The following CCDC73 variants were observed in gnomAD, a reference collection of about 807,000 sequenced individuals.
The protein encoded by CCDC73 is coiled-coil domain-containing protein 73.
Under a neutral mutation model 116.5 loss-of-function variants are expected in CCDC73, and 95 were observed. The ratio of observed to expected loss-of-function variants is 0.82; its 90% CI spans 0.69 to 0.97. CCDC73 has a LOEUF of 0.97. Ranked by LOEUF, CCDC73 falls within the 50% of genes least tolerant of loss-of-function variation. The pLI, the probability that CCDC73 is intolerant of heterozygous loss-of-function variation, is 0.00. For missense variants in CCDC73, 1,066 were observed against 1,206.8 expected (o/e 0.88, Z 1.73); for synonymous variants, 398 against 401.3 (o/e 0.99, Z 0.10).
chr11:32,621,139 C>A (rs143568630), intron 14 of CCDC73, among the ~76,000 whole-genome samples: 52 of 152,216 alleles, frequency 3.4e-4, no homozygotes, highest in Non-Finnish European at 6.3e-4. Flanking sequence ...ATCAAACTAC[C>A]ACTGACTTTC....
chr11:32,824,441 A>G, the CCDC73 span, among the ~76,000 whole-genome samples: 1 of 152,218 alleles, frequency 6.6e-6, no homozygotes, highest in African/African-American at 2.4e-5. Context: ...TTAGAACAGG[A>G]AGGAATCTTA....
chr11:32,741,561 T>G (rs1306253794), intron 2 of CCDC73, among the ~76,000 whole-genome samples: 1 of 152,100 alleles, frequency 6.6e-6, no homozygotes, highest in Non-Finnish European at 1.5e-5. Context: ...ATTTTTAGTC[T>G]ATGTGTGACT....
intron 14 of CCDC73, among the ~76,000 whole-genome samples, chr11:32,617,865 T>G (rs1855488613): frequency 6.6e-6 from 1 of 152,244 alleles, no homozygotes; most frequent in South Asian, 2.1e-4. Flanking sequence ...ATTTATTTAT[T>G]ACTTTTGTCT....
chr11:32,678,065 A>G (rs113108745), intron 7 of CCDC73, among the ~76,000 whole-genome samples: 4,535 of 151,552 alleles, frequency 0.03, 85 homozygotes, highest in Non-Finnish European at 0.04. Flanking sequence ...GATCATTTGA[A>G]GTCAGGAGTT....
intron 9 of CCDC73, among the ~76,000 whole-genome samples, chr11:32,657,827 C>A (rs1490339186): frequency 1.3e-5 from 2 of 151,814 alleles, no homozygotes; most frequent in African/African-American, 4.8e-5. Context: ...AAAGCAAGAC[C>A]CTGTCTCTAA....
the CCDC73 span, among the ~76,000 whole-genome samples, chr11:32,822,730 T>A: frequency 1.2e-4 from 18 of 151,350 alleles, no homozygotes; most frequent in African/African-American, 3.6e-4. Flanking sequence ...TAAGAAAAAA[T>A]TTTTTGAAGT....
At chr11:32,823,725 A>G in the CCDC73 span, among the ~76,000 whole-genome samples, 2 of 152,010 alleles carry the variant, frequency 1.3e-5, no homozygotes, top group Non-Finnish European at 2.9e-5. Context: ...ACAGAGGCCA[A>G]TGAAGATAAG....
chr11:32,766,809 T>G (rs1401900050), intron 1 of CCDC73, among the ~76,000 whole-genome samples: 4 of 152,038 alleles, frequency 2.6e-5, no homozygotes, highest in Admixed American at 6.6e-5. Flanking sequence ...CACTGCTCAA[T>G]GAAATAAAAG....
intron 14 of CCDC73, among the ~76,000 whole-genome samples, chr11:32,633,512 C>T (rs1855651031): frequency 6.6e-6 from 1 of 152,060 alleles, no homozygotes; most frequent in South Asian, 2.1e-4. Context: ...TATACCCATA[C>T]ACATGACTAA....
intron 12 of CCDC73, among the ~76,000 whole-genome samples, chr11:32,650,368 G>A (rs1319048260): frequency 6.6e-6 from 1 of 152,140 alleles, no homozygotes; most frequent in African/African-American, 2.4e-5. Context: ...TTCATTAAAT[G>A]AAATGGTTGG....
the CCDC73 span, chr11:32,829,969 G>A: frequency 4.1e-6 from 4 of 985,400 alleles, no homozygotes; most frequent in Non-Finnish European, 4.8e-6. Flanking sequence ...ACCTCACCCC[G>A]CGCGTGTTCC....
intron 3 of CCDC73, among the ~76,000 whole-genome samples, chr11:32,705,679 C>G (rs1018989548): frequency 2.0e-5 from 3 of 152,150 alleles, no homozygotes; most frequent in Admixed American, 6.5e-5. Context: ...GCACTGCCAG[C>G]CACAGAGCTT....
At chr11:32,645,267 T>C (rs1035515149) in intron 12 of CCDC73, among the ~76,000 whole-genome samples, 6 of 150,460 alleles carry the variant, frequency 4.0e-5, no homozygotes, top group African/African-American at 1.2e-4. Context: ...GTTTCACAGT[T>C]AACTTTTTTT....
At chr11:32,780,361 T>C (rs1190426555) in intron 1 of CCDC73, among the ~76,000 whole-genome samples, 1 of 151,928 alleles carries the variant, frequency 6.6e-6, no homozygotes, top group South Asian at 2.1e-4. Context: ...AGTACTGTGC[T>C]AGTAAAAAGA....
At chr11:32,715,378 T>C (rs1012627014) in intron 3 of CCDC73, among the ~76,000 whole-genome samples, 3 of 152,180 alleles carry the variant, frequency 2.0e-5, no homozygotes, top group Non-Finnish European at 4.4e-5. Flanking sequence ...CTTTAGTGTT[T>C]TTCCACGTTG....
chr11:32,693,743 T>G (rs1856283479), intron 6 of CCDC73, among the ~76,000 whole-genome samples: 1 of 152,228 alleles, frequency 6.6e-6, no homozygotes, highest in Admixed American at 6.5e-5. Context: ...ATCCCTGGGA[T>G]GCAAGGCTGG....
chr11:32,728,955 T>C (rs1850052688), intron 2 of CCDC73, among the ~76,000 whole-genome samples: 1 of 152,068 alleles, frequency 6.6e-6, no homozygotes, highest in Non-Finnish European at 1.5e-5. Flanking sequence ...TTCACCCGCC[T>C]TGGCCTTCCA....
chr11:32,659,569 T>C (rs1855903437), intron 9 of CCDC73, among the ~76,000 whole-genome samples: 1 of 152,212 alleles, frequency 6.6e-6, no homozygotes, highest in African/African-American at 2.4e-5. Context: ...AACTATGACA[T>C]AAATGTCATA....
intron 1 of CCDC73, among the ~76,000 whole-genome samples, chr11:32,779,559 G>C (rs574582746): frequency 1.3e-5 from 2 of 152,198 alleles, no homozygotes; most frequent in Non-Finnish European, 2.9e-5. Context: ...CAGCTACTGG[G>C]GCTAAATACT....
Sources: gnomAD v4.1 joint callset for allele counts (sites outside exome capture counted in the v4.1 genomes callset) on GRCh38, gnomAD v4.1.1 for gene constraint, MANE v1.5 for transcripts, NCBI Gene and HGNC (gene_info 2026-07-23, HGNC 2026-07-21) for gene names.